The following CCDC57 variants were observed in gnomAD, a reference collection of about 807,000 sequenced individuals.
CCDC57 encodes coiled-coil domain-containing protein 57.
CCDC57 carries 118 observed loss-of-function variants against 118.9 expected under a neutral mutation model. The observed-to-expected ratio is 0.99, with a 90% CI of 0.86 to 1.16. The LOEUF is 1.16. Ranked by LOEUF, CCDC57 falls within the 50% of genes most tolerant of loss-of-function variation. The pLI is 0.00. For missense variants in CCDC57, 1,300 were observed against 1,320.7 expected (o/e 0.98, Z 0.24); for synonymous variants, 527 against 532.9 (o/e 0.99, Z 0.15).
At position 82,184,012 on chromosome 17, in the gene CCDC57, C is replaced by T. The variant is rs868021875; in HGVS notation, c.1053-80G>A. The T allele has an allele frequency of 1.0e-4, 99 of 993,182 alleles. No homozygotes were observed. In the Middle Eastern group the frequency reaches 2.1e-3, roughly 21 times the overall value. 61.5% of individuals were successfully genotyped at this position (993,182 alleles called of 1,614,324 possible). The stretch of plus-strand genomic sequence containing the variant: ...CTTACACAGCACCCCCCAGCAAATA[C>T]ACATGCGCGCGCGCGCGCGCACACA... On this transcript the variant is annotated intron_variant, in intron 8 of 19. Coordinates refer to ENST00000665763, the Ensembl canonical transcript of CCDC57.
intron 19 of CCDC57, among the ~76,000 whole-genome samples, chr17:82,110,438 A>G (rs1243601995): frequency 1.3e-5 from 2 of 152,236 alleles, no homozygotes; most frequent in African/African-American, 4.8e-5. Context: ...ATGTTCCTCA[A>G]AAACAAACAA....
chr17:82,115,547 C>T (rs9894554), intron 19 of CCDC57, among the ~76,000 whole-genome samples: 1 of 151,748 alleles, frequency 6.6e-6, no homozygotes, highest in Non-Finnish European at 1.5e-5. Context: ...GACATGGGAG[C>T]ATTGCTTGAA....
chr17:82,203,238 T>A (rs1163489586), intron 2 of CCDC57, among the ~76,000 whole-genome samples: 2 of 152,124 alleles, frequency 1.3e-5, no homozygotes, highest in African/African-American at 4.8e-5. Flanking sequence ...TCGTGCCTGC[T>A]CCTCTTTCAC....
At chr17:82,107,264 G>A (rs1432892942) in intron 19 of CCDC57, 3 of 380,290 alleles carry the variant, frequency 7.9e-6, no homozygotes, top group Non-Finnish European at 1.6e-5. Context: ...CAGGGTTTTT[G>A]GTTCCCCTGG....
chr17:82,159,200 T>C (rs1486520231), intron 14 of CCDC57, among the ~76,000 whole-genome samples: 1 of 149,160 alleles, frequency 6.7e-6, no homozygotes. Context: ...GGTCTCCCTA[T>C]GTTGCCCAGG....
chr17:82,194,925 C>T (rs908790114), intron 5 of CCDC57, among the ~76,000 whole-genome samples: 14 of 152,266 alleles, frequency 9.2e-5, no homozygotes, highest in Admixed American at 7.8e-4. Flanking sequence ...GGGCTGCGCC[C>T]GGCATGGGCA....
exon 2 of CCDC57, chr17:82,208,029 T>C (rs2049870658): frequency 6.6e-6 from 1 of 152,110 alleles, no homozygotes; most frequent in Admixed American, 6.5e-5. Context: ...GGAAAAACAG[T>C]TTGAGTTTTC....
chr17:82,178,554 C>G (rs770925210), exon 11 of CCDC57: 1 of 1,613,686 alleles, frequency 6.2e-7, no homozygotes, highest in Non-Finnish European at 8.5e-7. Flanking sequence ...GCCTTCAGCA[C>G]CACCTCCTGC....
intron 19 of CCDC57, among the ~76,000 whole-genome samples, chr17:82,125,213 A>G (rs2037254231): frequency 1.3e-5 from 2 of 152,248 alleles, no homozygotes; most frequent in East Asian, 3.9e-4. Flanking sequence ...GGCTGGGGGA[A>G]CCAGACTCAG....
At chr17:82,135,784 G>A (rs1413640366) in intron 16 of CCDC57, among the ~76,000 whole-genome samples, 3 of 149,782 alleles carry the variant, frequency 2.0e-5, no homozygotes, top group African/African-American at 7.4e-5. Context: ...AAACAGCTGG[G>A]TGCGGTGGCT....
intron 11 of CCDC57, among the ~76,000 whole-genome samples, chr17:82,177,090 A>G (rs1299945455): frequency 6.6e-6 from 1 of 152,158 alleles, no homozygotes; most frequent in Admixed American, 6.5e-5. Context: ...TACTAAAAAT[A>G]CAAAATTAGC....
At chr17:82,187,065 C>T (rs532553855) in intron 8 of CCDC57, among the ~76,000 whole-genome samples, 1 of 151,742 alleles carries the variant, frequency 6.6e-6, no homozygotes, top group African/African-American at 2.4e-5. Context: ...GGTGAAACCC[C>T]GTCTCTACTA....
At chr17:82,150,413 C>T (rs372600415) in intron 16 of CCDC57, among the ~76,000 whole-genome samples, 1,604 of 141,730 alleles carry the variant, frequency 0.011, 3 homozygotes, top group South Asian at 0.015. Context: ...AGGCGCACAC[C>T]CAGAACCTGA....
intron 15 of CCDC57, chr17:82,155,331 T>C (rs2042554334): frequency 6.6e-6 from 1 of 152,100 alleles, no homozygotes; most frequent in African/African-American, 2.4e-5. Flanking sequence ...CGTGGAAGAG[T>C]GCCCCGTTCC....
chr17:82,105,275 TCA>T (rs1006703048), intron 19 of CCDC57, among the ~76,000 whole-genome samples: 1 of 152,200 alleles, frequency 6.6e-6, no homozygotes, highest in Non-Finnish European at 1.5e-5. Context: ...TCTGTGTGGT[TCA>T]CCCCTGCTGT....
chr17:82,173,845 G>A (rs1407936060), intron 11 of CCDC57, among the ~76,000 whole-genome samples: 2 of 152,084 alleles, frequency 1.3e-5, no homozygotes, highest in African/African-American at 4.8e-5. Flanking sequence ...GGAGAGACAG[G>A]CCCCGCCCAC....
At chr17:82,108,486 G>C (rs1229250352) in intron 19 of CCDC57, among the ~76,000 whole-genome samples, 2 of 152,230 alleles carry the variant, frequency 1.3e-5, no homozygotes, top group East Asian at 1.9e-4. Context: ...TCTCTTGCTT[G>C]TGTTGCATTG....
chr17:82,191,756 T>A (rs1346381161), intron 7 of CCDC57, among the ~76,000 whole-genome samples: 1 of 152,142 alleles, frequency 6.6e-6, no homozygotes, highest in Non-Finnish European at 1.5e-5. Context: ...AGGCTCCACA[T>A]CCCAGATTCA....
chr17:82,158,349 C>T (rs935636826), intron 14 of CCDC57, among the ~76,000 whole-genome samples: 2 of 152,100 alleles, frequency 1.3e-5, no homozygotes, highest in African/African-American at 4.8e-5. Context: ...ATGGGGAGGC[C>T]AGAGGTAAAC....
Sources: allele counts gnomAD v4.1 joint callset (sites outside exome capture counted in the v4.1 genomes callset), GRCh38; gene constraint gnomAD v4.1.1; transcripts MANE v1.5; gene names NCBI Gene and HGNC (gene_info 2026-07-23, HGNC 2026-07-21).